Variants in PICK1 observed in about 807,000 individuals in gnomAD.
PICK1 encodes PRKCA-binding protein.
PICK1 carries 23 observed loss-of-function variants against 48.9 expected under a neutral mutation model. The ratio of observed to expected loss-of-function variants is 0.47; its 90% confidence interval spans 0.34 to 0.67. The LOEUF (loss-of-function observed/expected upper bound fraction) is 0.67, where lower values mean the gene tolerates loss of function less well. Among genes scored for constraint, PICK1 ranks in the 30% least tolerant of loss-of-function variants. The pLI, the probability that PICK1 is intolerant of heterozygous loss-of-function variation, is 0.01. For synonymous variants in PICK1, 217 were observed against 228.2 expected (o/e 0.95, Z 0.44); for missense variants, 423 against 557.1 (o/e 0.76, Z 2.42).
rs144189561 is a variant in PICK1 at position 38,066,709 on chromosome 22, C to T, written c.283-995C>T. 4.6e-5 allele frequency among the ~76,000 whole-genome samples: 7 copies of T among 152,368 alleles called. No homozygotes were observed. Among genetic ancestry groups the T allele is most frequent in the Non-Finnish European group, 1.0e-4 (7 of 68,040 alleles). The stretch of plus-strand genomic sequence containing the variant: ...CACACCCCACCTCTGACTCTGATTG[C>T]ATCTGCTCATTTTGGTTTCCCTTTG... On this transcript the variant is annotated intron_variant, in intron 4 of 12. Coordinates refer to ENST00000356976, the MANE Select transcript of PICK1 (RefSeq NM_012407.4). This position sits in a 1 kb window ranked among gnomAD's most constrained non-coding sequence, Gnocchi z 4.1.
At chr22:38,058,642 C>T (rs1366264955) in intron 2 of PICK1, among the ~76,000 whole-genome samples, 1 of 152,094 alleles carries the variant, frequency 6.6e-6, no homozygotes, top group Non-Finnish European at 1.5e-5. Context: ...GTTAGAAGAA[C>T]TCTGATAAGG....
At chr22:38,071,913 A>C in intron 8 of PICK1, 169 bp downstream of exon 8, 1 of 692,788 alleles carries the variant, frequency 1.4e-6, no homozygotes, top group South Asian at 1.5e-5. Context: ...CATCTAGATC[A>C]GCTGGTCTCT....
At chr22:38,059,141 C>T (rs2085339443) in intron 2 of PICK1, 93 bp from the exon 3 acceptor site, 2 of 845,478 alleles carry the variant, frequency 2.4e-6, no homozygotes, top group Non-Finnish European at 4.0e-6. Flanking sequence ...AAAAGCTGGG[C>T]AGCCAGTGGA....
chr22:38,070,839 T>C lies in PICK1; in HGVS notation c.441T>C (p.Asp147=). The C allele has an allele frequency of 6.2e-7, 1 of 1,613,866 alleles. No homozygotes were observed. The highest frequency in any genetic ancestry group is 8.5e-7 in the Non-Finnish European group (1 of 1,179,916). The change falls in exon 7 of 13, where the codon GAT becomes GAC. Residue 147 remains aspartate (D), a splice_region_variant and synonymous_variant. Transcript: ENST00000356976. Reference sequence around the variant, plus strand: ...CCCCTCTTCTTTGAATCCCGACAGATGGGCTTGTCAAGAGGCTAGAGGAGC... The same window carrying C: ...CCCCTCTTCTTTGAATCCCGACAGACGGGCTTGTCAAGAGGCTAGAGGAGC... ...LGLSRAILCN[D]GLVKRLEELE...
In PICK1 at chr22:38,075,011, A is replaced by C; in HGVS notation, c.1127A>C (p.Glu376Ala). The part of the protein sequence containing the change: ...HTTLAYGLNQ[E>A]EFTDGEEEEE... ...ACATTGGCCTATGGCCTCAACCAGG[A>C]GGAGTTCACAGATGGGGAGGAGGAG... The change falls in exon 13 of 13, where the codon GAG becomes GCG. Residue 376 changes from glutamate (E) to alanine (A), a missense_variant. By Grantham distance (107) the Glu-to-Ala change is moderately radical. Transcript: ENST00000356976. 6.2e-7 allele frequency: 1 copy of C among 1,613,620 alleles called. No homozygotes were observed. Among genetic ancestry groups the C allele is most frequent in the Non-Finnish European group, 8.5e-7 (1 of 1,180,028 alleles).
In PICK1 at chr22:38,074,322, C is replaced by T. The variant is rs201690115; in HGVS notation, c.850C>T (p.Leu284Phe). The T allele has an allele frequency of 1.2e-6, 2 of 1,612,908 alleles. No individual in the cohort carries two copies. The highest frequency in any genetic ancestry group is 1.3e-5 in the African/African-American group (1 of 75,048). Residue 284 changes from leucine to phenylalanine, a missense_variant, in exon 12 of 13, where the codon CTT becomes TTT. This residue lies in a region of PICK1 where 279 missense variants were observed against 417.8 expected (regional missense o/e 0.67). Transcript: ENST00000356976. This position sits in a 1 kb window ranked among gnomAD's most constrained non-coding sequence, Gnocchi z 4.5. Reference protein sequence around the residue: ...EYSCIALGEPLYRVSTGNYEY... With the variant: ...EYSCIALGEPFYRVSTGNYEY... The stretch of plus-strand genomic sequence containing the variant: ...CCCGCCCCAGGCCCTAGGCGAGCCC[C>T]TTTACCGGGTGAGCACCGGCAACTA...
intron 4 of PICK1, chr22:38,067,348 C>G: frequency 5.4e-6 from 1 of 185,712 alleles, no homozygotes. Context: ...CTCATTCTGT[C>G]ATCCAGGCTG....
intron 6 of PICK1, among the ~76,000 whole-genome samples, chr22:38,070,318 G>T (rs563936111): frequency 6.6e-6 from 1 of 152,370 alleles, no homozygotes; most frequent in South Asian, 2.1e-4. Flanking sequence ...TTGAGAGCAA[G>T]ACTTGGCTCA....
At chr22:38,057,612 C>T (rs529256288) in intron 1 of PICK1, 25 bp downstream of exon 1, 1 of 602,772 alleles carries the variant, frequency 1.7e-6, no homozygotes, top group East Asian at 2.8e-5. Context: ...CCCAGCCCCC[C>T]ACCCGGAGAC....
Position 38,075,517 on chromosome 22 carries a change from G to C in PICK1, c.*385G>C, listed in dbSNP as rs529730778. ...CCGGAGCCTGCTGGGAGTGGGGCCA[G>C]CCGTGGACAGCTGAGGTTGGGGTCA... is the stretch of plus-strand genomic sequence containing the variant. On this transcript the variant is annotated 3_prime_UTR_variant, in exon 13 of 13. Coordinates refer to ENST00000356976, the MANE Select transcript of PICK1 (RefSeq NM_012407.4). 6.6e-5 allele frequency: 14 copies of C among 213,482 alleles called. No homozygotes were observed. Among genetic ancestry groups the C allele is most frequent in the Non-Finnish European group, 1.1e-4 (12 of 105,246 alleles). The allele number at this position is 213,482 out of a possible 1,614,324, so 13.2% of individuals were successfully genotyped here.
intron 4 of PICK1, among the ~76,000 whole-genome samples, chr22:38,065,492 A>C (rs1601945039): frequency 6.6e-6 from 1 of 152,312 alleles, no homozygotes; most frequent in East Asian, 1.9e-4. Context: ...TCCCTGGGTC[A>C]GTAGACACCC....
chr22:38,074,457 C>A lies in PICK1; in HGVS notation c.979+6C>A. On this transcript the variant is annotated splice_donor_region_variant and intron_variant, in intron 12 of 12. Transcript: ENST00000356976. The surrounding 1 kb of genome is among the most constrained non-coding windows in gnomAD (Gnocchi z 4.5). ...GCTGCTGGACCAGAAGCACGGTGAG[C>A]GCCGCCCTCCTCCCCGTCCGCTCTC... is the stretch of plus-strand genomic sequence containing the variant. 6.2e-7 allele frequency: 1 copy of A among 1,612,988 alleles called. No homozygotes were observed. Among genetic ancestry groups the A allele is most frequent in the Non-Finnish European group, 8.5e-7 (1 of 1,179,924 alleles).
chr22:38,071,544 TG>T, intron 7 of PICK1, 137 bp from the exon 8 acceptor site: 1 of 807,310 alleles, frequency 1.2e-6, no homozygotes, highest in Non-Finnish European at 2.2e-6. Flanking sequence ...CCCTGGGCTG[TG>T]GTTGGGCGGT....
At chr22:38,068,904 C>T in intron 5 of PICK1, 129 bp from the exon 6 acceptor site, 1 of 761,708 alleles carries the variant, frequency 1.3e-6, no homozygotes, top group Non-Finnish European at 2.3e-6. Context: ...GGACATTCCC[C>T]ACTTCACAGC....
chr22:38,061,199 G>A (rs916927309), intron 3 of PICK1, among the ~76,000 whole-genome samples: 4 of 152,072 alleles, frequency 2.6e-5, no homozygotes, highest in African/African-American at 9.7e-5. Flanking sequence ...AAATTAGCCA[G>A]GCATGATGGC....
chr22:38,069,026 C>A lies in PICK1; in HGVS notation c.350-7C>A. On this transcript the variant is annotated splice_polypyrimidine_tract_variant and splice_region_variant and intron_variant, in intron 5 of 12. Coordinates refer to ENST00000356976, the MANE Select transcript of PICK1 (RefSeq NM_012407.4). ...CAGACTCACCAGGTCCTTTGTCCCCCGCTCAGTGTTGAAGAAAGTCAAGCA... is the reference window on the plus strand; with the variant it reads ...CAGACTCACCAGGTCCTTTGTCCCCAGCTCAGTGTTGAAGAAAGTCAAGCA... The A allele has an allele frequency of 6.2e-7, 1 of 1,610,428 alleles. No homozygotes were observed. The highest frequency in any genetic ancestry group is 2.2e-5 in the East Asian group (1 of 44,746).
chr22:38,064,498 A>G (rs957875783), intron 3 of PICK1, among the ~76,000 whole-genome samples: 1 of 152,128 alleles, frequency 6.6e-6, no homozygotes, highest in African/African-American at 2.4e-5. Flanking sequence ...ACGGTGGCTC[A>G]CACCTGTAAT....
chr22:38,067,156 C>T lies in PICK1; in HGVS notation c.283-548C>T, dbSNP rs555401186. On this transcript the variant is annotated intron_variant, in intron 4 of 12. Transcript: ENST00000356976. ...GGCCGAAGCACAAGACATCAGAGAC[C>T]GCCAGGCTGTGGGCCCGGTGCCGGC... Among the ~76,000 whole-genome samples the T allele has an allele frequency of 2.1e-4, 32 of 152,202 alleles. No individual in the cohort carries two copies. The South Asian group carries it at 6.4e-3, about 31-fold the overall frequency.
intron 6 of PICK1, 100 bp downstream of exon 6, chr22:38,069,222 C>T (rs908320409): frequency 1.4e-5 from 12 of 847,226 alleles, no homozygotes; most frequent in East Asian, 8.0e-5. Context: ...GTGGGTCCCG[C>T]GGGTCTGACC....
Sources: gnomAD v4.1 joint callset for allele counts (sites outside exome capture counted in the v4.1 genomes callset) on GRCh38, gnomAD v4.1.1 for gene constraint, gnomAD v4.1.1 regional missense constraint, Gnocchi (gnomAD v3.1) non-coding constraint, MANE v1.5 for transcripts, NCBI Gene and HGNC (gene_info 2026-07-23, HGNC 2026-07-21) for gene names.